The following COBL variants were observed in gnomAD, a reference collection of about 807,000 sequenced individuals.
COBL encodes protein cordon-bleu.
A neutral mutation model predicts 98.8 loss-of-function variants in COBL; 51 were observed. That is an observed-to-expected ratio of 0.52 (90% CI 0.41 to 0.65). COBL has a LOEUF of 0.65. COBL is among the 30% of genes least tolerant of loss of function. The pLI is 0.00. For synonymous variants in COBL, 634 were observed against 651.7 expected (o/e 0.97, Z 0.41); for missense variants, 1,617 against 1,617.5 (o/e 1.00, Z 0.01).
At chr7:51,018,100 A>G (rs1162395355) in intron 12 of COBL, among the ~76,000 whole-genome samples, 1 of 152,204 alleles carries the variant, frequency 6.6e-6, no homozygotes, top group South Asian at 2.1e-4. Context: ...GCACATGGTA[A>G]GCACACAGGA....
intron 1 of COBL, among the ~76,000 whole-genome samples, chr7:51,252,427 T>G (rs926201367): frequency 6.6e-6 from 1 of 152,154 alleles, no homozygotes; most frequent in African/African-American, 2.4e-5. Flanking sequence ...TATTAATACT[T>G]TGCATCTCTA....
chr7:51,025,813 C>T (rs1787496312), intron 11 of COBL, among the ~76,000 whole-genome samples: 1 of 152,194 alleles, frequency 6.6e-6, no homozygotes, highest in African/African-American at 2.4e-5. Flanking sequence ...ACCCCTGGAC[C>T]TGAGACAGTT....
intron 1 of COBL, among the ~76,000 whole-genome samples, chr7:51,223,561 C>T (rs1305149561): frequency 1.3e-5 from 2 of 152,208 alleles, no homozygotes; most frequent in Non-Finnish European, 2.9e-5. Context: ...CTTCAATATC[C>T]TCCACTCTTC....
intron 2 of COBL, among the ~76,000 whole-genome samples, chr7:51,207,736 A>G (rs1791897023): frequency 1.3e-5 from 2 of 152,042 alleles, no homozygotes; most frequent in African/African-American, 4.8e-5. Context: ...TCAGTGCTCA[A>G]TGGTGCCCAG....
intron 5 of COBL, among the ~76,000 whole-genome samples, chr7:51,166,717 A>T (rs1474198500): frequency 6.6e-6 from 1 of 152,146 alleles, no homozygotes; most frequent in Non-Finnish European, 1.5e-5. Flanking sequence ...AAATACTAGC[A>T]AACTGAATTC....
intron 2 of COBL, among the ~76,000 whole-genome samples, chr7:51,196,936 C>T (rs1205269838): frequency 6.6e-6 from 1 of 151,560 alleles, no homozygotes; most frequent in Non-Finnish European, 1.5e-5. Flanking sequence ...ATTAGCCTAG[C>T]TAGCAGTCTA....
chr7:51,189,182 C>A (rs1283335843), intron 4 of COBL, among the ~76,000 whole-genome samples: 2 of 152,008 alleles, frequency 1.3e-5, no homozygotes, highest in Non-Finnish European at 2.9e-5. Context: ...AATAAACAGT[C>A]CATGTATCTT....
chr7:51,181,224 C>T (rs763901729), intron 5 of COBL, among the ~76,000 whole-genome samples: 2 of 152,128 alleles, frequency 1.3e-5, no homozygotes, highest in Non-Finnish European at 2.9e-5. Flanking sequence ...TATTTTGTAT[C>T]AAAAGAGGGA....
intron 1 of COBL, among the ~76,000 whole-genome samples, chr7:51,232,617 C>T (rs1027399454): frequency 3.3e-5 from 5 of 152,158 alleles, no homozygotes; most frequent in African/African-American, 1.2e-4. Context: ...CGAGACCATC[C>T]TGGCTAACAC....
chr7:51,083,165 A>G (rs1252084273), intron 7 of COBL: 1 of 1,505,408 alleles, frequency 6.6e-7, no homozygotes, highest in African/African-American at 1.4e-5. Context: ...TGGGGGAAGC[A>G]CTAACTGGGG....
chr7:51,295,560 T>C (rs943398610), intron 1 of COBL, among the ~76,000 whole-genome samples: 1 of 152,218 alleles, frequency 6.6e-6, no homozygotes, highest in Non-Finnish European at 1.5e-5. Flanking sequence ...TGACAACAAC[T>C]ACTTTGCAAG....
chr7:51,240,498 G>A (rs984098029), intron 1 of COBL, among the ~76,000 whole-genome samples: 3 of 152,186 alleles, frequency 2.0e-5, no homozygotes, highest in African/African-American at 7.2e-5. Context: ...TCTATGATCA[G>A]CAACTGGCTC....
At chr7:51,187,947 T>G in intron 4 of COBL, 1 of 1,232,416 alleles carries the variant, frequency 8.1e-7, no homozygotes, top group South Asian at 4.1e-5. Context: ...GACTGAGTTT[T>G]GCTCAGACGA....
chr7:51,122,982 CAAAA>C (rs57261676), intron 6 of COBL, among the ~76,000 whole-genome samples: 3 of 139,902 alleles, frequency 2.1e-5, no homozygotes, highest in Admixed American at 1.4e-4. Flanking sequence ...GACTCCATCT[CAAAA>C]AAAAAAAAAA....
rs147888319 is a variant in COBL, at chr7:51,049,821, C to T, written c.1097-6129G>A. 2.4e-4 allele frequency among the ~76,000 whole-genome samples: 37 copies of T among 152,238 alleles called. No individual in the cohort carries two copies. In the East Asian group the frequency reaches 4.6e-3, roughly 19 times the overall value. On this transcript the variant is annotated intron_variant, in intron 7 of 12. Transcript: ENST00000265136. The stretch of plus-strand genomic sequence containing the variant: ...CGGGTGTGCAAATGTTCAGGAGGCA[C>T]GGTTTGGAGAGGCTGGGTTTAGGAT...
At chr7:51,120,354 C>G (rs186474740) in intron 6 of COBL, among the ~76,000 whole-genome samples, 1 of 152,026 alleles carries the variant, frequency 6.6e-6, no homozygotes, top group Admixed American at 6.5e-5. Context: ...ATATTTTACT[C>G]AAAAATATAA....
intron 2 of COBL, 59 bp from the exon 3 acceptor site, chr7:51,193,648 G>C: frequency 6.8e-7 from 1 of 1,471,276 alleles, no homozygotes; most frequent in Non-Finnish European, 9.4e-7. Context: ...TCTTTTGCCT[G>C]GCTAAATAAG....
chr7:51,108,940 AC>A (rs1796575938), intron 6 of COBL, among the ~76,000 whole-genome samples: 1 of 145,034 alleles, frequency 6.9e-6, no homozygotes, highest in Admixed American at 6.9e-5. Context: ...ACACACACAC[AC>A]ACACACACAC....
At chr7:51,250,206 T>C (rs966160779) in intron 1 of COBL, among the ~76,000 whole-genome samples, 1 of 152,136 alleles carries the variant, frequency 6.6e-6, no homozygotes, top group Non-Finnish European at 1.5e-5. Context: ...CTGATGGGCC[T>C]GTGTCCACCC....
Sources: allele counts gnomAD v4.1 joint callset (sites outside exome capture counted in the v4.1 genomes callset), GRCh38; gene constraint gnomAD v4.1.1; transcripts MANE v1.5; gene names NCBI Gene and HGNC (gene_info 2026-07-23, HGNC 2026-07-21).